Variants in LRRC56 observed in about 807,000 individuals in gnomAD.
LRRC56 encodes the protein leucine rich repeat containing 56.
LRRC56 carries 41 observed loss-of-function variants against 47.8 expected under a neutral mutation model. The observed-to-expected ratio is 0.86, with a 90% CI of 0.67 to 1.11. The LOEUF (loss-of-function observed/expected upper bound fraction) is 1.11, where lower values mean the gene tolerates loss of function less well. Among genes scored for constraint, LRRC56 ranks in the 50% most tolerant of loss-of-function variants. The pLI, the probability that LRRC56 is intolerant of heterozygous loss-of-function variation, is 0.00. For synonymous variants in LRRC56, 387 were observed against 311.2 expected (o/e 1.24, Z -2.56); for missense variants, 759 against 704.2 (o/e 1.08, Z -0.88).
chr11:532,017 C>T, the LRRC56 span, among the ~76,000 whole-genome samples: 3 of 152,236 alleles, frequency 2.0e-5, no homozygotes, highest in Non-Finnish European at 4.4e-5. Flanking sequence ...AGTAAGCTCT[C>T]TGTCCTTATG....
At chr11:525,349 C>T in the LRRC56 span, among the ~76,000 whole-genome samples, 3,566 of 152,084 alleles carry the variant, frequency 0.023, 57 homozygotes, top group Non-Finnish European at 0.034. Context: ...ACCATCCTGG[C>T]TAACACGGTG....
Position 551,919 on chromosome 11 carries a change from CTG to C in LRRC56, c.993_994del (p.Cys331TrpfsTer11). 6.2e-7 allele frequency: 1 copy of C among 1,612,660 alleles called. No homozygotes were observed. Among genetic ancestry groups the C allele is most frequent in the East Asian group, 2.2e-5 (1 of 44,884 alleles). ...CTCTTGCAGGTGCTGGCCAAGTCCT[CTG>C]TGGGAACCCCACCAAGGGCCTGCGG... ...SLTHGAGQVLCGNPTKGLRER... is the reference protein window; with the variant it reads ...SLTHGAGQVLXGNPTKGLRER... On this transcript the variant is annotated frameshift_variant, in exon 11 of 14. Coordinates refer to ENST00000270115, the MANE Select transcript of LRRC56 (RefSeq NM_198075.4). LOFTEE classifies it high-confidence loss of function.
chr11:546,546 C>A (rs535719099), intron 6 of LRRC56, among the ~76,000 whole-genome samples: 2 of 149,632 alleles, frequency 1.3e-5, no homozygotes, highest in African/African-American at 4.9e-5. Flanking sequence ...CCAGCCTGGG[C>A]GACTGAGTGA....
Position 541,312 on chromosome 11 carries a change from G to A in LRRC56, c.178-225G>A, listed in dbSNP as rs1391877891. On this transcript the variant is annotated intron_variant, in intron 4 of 13. Coordinates refer to ENST00000270115, the MANE Select transcript of LRRC56 (RefSeq NM_198075.4). This position sits in a 1 kb window ranked among gnomAD's most constrained non-coding sequence, Gnocchi z 4.1. ...CTCTCTGGAGACGGGCAGCCCCCAG[G>A]GCAGGTCCTTCTCCCGCAATGACCC... Among the ~76,000 whole-genome samples the A allele has an allele frequency of 1.3e-5, 2 of 152,164 alleles. No individual in the cohort carries two copies. The highest frequency in any genetic ancestry group is 3.9e-4 in the East Asian group (2 of 5,186).
chr11:514,579 C>A, the LRRC56 span, among the ~76,000 whole-genome samples: 1 of 126,736 alleles, frequency 7.9e-6, no homozygotes, highest in African/African-American at 3.4e-5. Context: ...CTGTGCCCAG[C>A]CTATTATTAT....
intron 6 of LRRC56, among the ~76,000 whole-genome samples, chr11:547,057 CA>C (rs1191324995): frequency 8.6e-4 from 122 of 141,994 alleles, no homozygotes; most frequent in Admixed American, 7.7e-4. Flanking sequence ...AACTCCATCT[CA>C]AAAAAAAAAA....
the LRRC56 span, among the ~76,000 whole-genome samples, chr11:511,957 T>C: frequency 3.9e-5 from 6 of 152,264 alleles, no homozygotes; most frequent in Admixed American, 2.6e-4. Context: ...AATTTTTTTT[T>C]TTTTGAGATG....
the LRRC56 span, among the ~76,000 whole-genome samples, chr11:510,105 C>T: frequency 6.6e-6 from 1 of 151,770 alleles, no homozygotes; most frequent in Admixed American, 6.6e-5. Context: ...TCCAGCCCCA[C>T]CAGCCTACAC....
At chr11:534,297 A>AC, upstream of LRRC56, 1 of 1,612,518 alleles carries the variant, frequency 6.2e-7, no homozygotes, top group Non-Finnish European at 8.5e-7. Flanking sequence ...GCCGGCGCCC[A>AC]CCACCACCAG....
chr11:537,477 G>A (rs1382839003), upstream of LRRC56: 1 of 152,272 alleles, frequency 6.6e-6, no homozygotes, highest in African/African-American at 2.4e-5. Flanking sequence ...CCTGGCTCCC[G>A]TTGCTATGGC....
At chr11:532,451 C>T in the LRRC56 span, 2 of 828,480 alleles carry the variant, frequency 2.4e-6, no homozygotes, top group South Asian at 1.7e-5. Context: ...TTCCTTGCTT[C>T]CGTCCTTCCT....
At chr11:512,979 A>G in the LRRC56 span, among the ~76,000 whole-genome samples, 10 of 152,146 alleles carry the variant, frequency 6.6e-5, no homozygotes, top group Non-Finnish European at 1.3e-4. Flanking sequence ...CCCCTTCCCT[A>G]GAAACTTTTG....
At chr11:519,101 T>C in the LRRC56 span, among the ~76,000 whole-genome samples, 2 of 151,472 alleles carry the variant, frequency 1.3e-5, no homozygotes, top group African/African-American at 2.4e-5. Flanking sequence ...TGTCTGGCTT[T>C]TCTCAGGTAA....
chr11:552,272 C>T (rs1375916430), intron 12 of LRRC56, 40 bp downstream of exon 12: 1 of 1,576,840 alleles, frequency 6.3e-7, no homozygotes, highest in South Asian at 1.1e-5. Flanking sequence ...TGTGTCCTGT[C>T]CCGTGGGGAA....
rs761155040 is a variant in LRRC56 at position 552,227 on chromosome 11, C to T, written c.1176C>T (p.Gly392=). Residue 392 remains glycine (G), a synonymous_variant, in exon 12 of 14, where the codon GGC becomes GGT. Transcript: ENST00000270115. ...GGCTCAGGGCCTGGAGGGAACATGGCGTGCGGTGGGTGTCCCTCCAGCTCT... is the reference window on the plus strand; with the variant it reads ...GGCTCAGGGCCTGGAGGGAACATGGTGTGCGGTGGGTGTCCCTCCAGCTCT... The part of the protein sequence containing the change: ...LAGLRAWREH[G]VRPLPYRHPE... 3.5e-5 allele frequency: 56 copies of T among 1,608,868 alleles called. No homozygotes were observed. The highest frequency in any genetic ancestry group is 2.0e-4 in the Admixed American group (12 of 59,800).
At chr11:534,046 C>T (rs1851296641), upstream of LRRC56, 9 of 1,358,086 alleles carry the variant, frequency 6.6e-6, no homozygotes, top group Non-Finnish European at 9.4e-6. Flanking sequence ...CATGCCCCCT[C>T]CTCTCCTGGG....
rs746476017 is a variant in LRRC56, at chr11:541,644, G to A, written c.265+20G>A. Reference sequence around the variant, plus strand: ...ACTTTGGTGAGCCTCTTCCCACCCCGCCATGGCCACGGCCACGGCCACGCC... The same window carrying A: ...ACTTTGGTGAGCCTCTTCCCACCCCACCATGGCCACGGCCACGGCCACGCC... On this transcript the variant is annotated intron_variant, in intron 5 of 13. Coordinates refer to ENST00000270115, the MANE Select transcript of LRRC56 (RefSeq NM_198075.4). The surrounding 1 kb of genome is among the most constrained non-coding windows in gnomAD (Gnocchi z 4.1). 5 of 1,499,592 alleles carry A rather than the reference G, an allele frequency of 3.3e-6. No individual in the cohort carries two copies. Among genetic ancestry groups the A allele is most frequent in the Admixed American group, 2.0e-5 (1 of 49,168 alleles). The allele number at this position is 1,499,592 out of a possible 1,614,324, so 92.9% of individuals were successfully genotyped here. A position where few individuals can be genotyped will look rare whatever the true frequency, so the allele number is the denominator to read the frequency against.
At position 541,560 on chromosome 11, in the gene LRRC56, C is replaced by A; in HGVS notation, c.201C>A (p.Asp67Glu). 1 of 1,583,532 alleles carries A rather than the reference C, an allele frequency of 6.3e-7. No individual in the cohort carries two copies. Among genetic ancestry groups the A allele is most frequent in the Non-Finnish European group, 8.6e-7 (1 of 1,163,330 alleles). ...ARLQALARVD[D>E]LRLVRTLEMC... ...AGCAGGCCCTGGCCCGGGTGGATGA[C>A]CTTCGGCTGGTGAGGACGCTGGAGA... The change falls in exon 5 of 14, where the codon GAC becomes GAA. Residue 67 changes from aspartate to glutamate, a missense_variant. Physicochemically the swap from Asp to Glu is conservative, Grantham distance 45. Transcript: ENST00000270115. This position sits in a 1 kb window ranked among gnomAD's most constrained non-coding sequence, Gnocchi z 4.1.
the LRRC56 span, among the ~76,000 whole-genome samples, chr11:519,060 G>A: frequency 6.6e-6 from 1 of 152,342 alleles, no homozygotes; most frequent in African/African-American, 2.4e-5. Flanking sequence ...TGTGTCCGCT[G>A]TGCAAACCGG....
Sources: allele counts gnomAD v4.1 joint callset (sites outside exome capture counted in the v4.1 genomes callset), GRCh38; gene constraint gnomAD v4.1.1; non-coding constraint Gnocchi (gnomAD v3.1); transcripts MANE v1.5; gene names NCBI Gene and HGNC (gene_info 2026-07-23, HGNC 2026-07-21).